TAF4B: variants seen among roughly 807,000 people sequenced by gnomAD.
TAF4B encodes transcription initiation factor TFIID subunit 4B.
TAF4B carries 38 observed loss-of-function variants against 86.4 expected under a neutral mutation model. The observed-to-expected ratio is 0.44, with a 90% CI of 0.34 to 0.58. TAF4B has a LOEUF of 0.58. Among genes scored for constraint, TAF4B ranks in the 20% least tolerant of loss-of-function variants. The pLI is 0.02. For missense variants in TAF4B, 988 were observed against 1,027.6 expected (o/e 0.96, Z 0.53); for synonymous variants, 388 against 391.2 (o/e 0.99, Z 0.10).
intron 11 of TAF4B, among the ~76,000 whole-genome samples, chr18:26,323,507 G>T (rs1365671103): frequency 6.9e-6 from 1 of 143,972 alleles, no homozygotes; most frequent in Non-Finnish European, 1.5e-5. Flanking sequence ...TAACAGGCGT[G>T]TGCCACCACA....
intron 1 of TAF4B, among the ~76,000 whole-genome samples, chr18:26,234,278 C>T (rs1380731287): frequency 6.6e-6 from 1 of 152,204 alleles, no homozygotes; most frequent in Non-Finnish European, 1.5e-5. Context: ...TGCCTTTTCT[C>T]CTTCACCTTT....
At chr18:26,258,065 C>A (rs1251620812) in intron 1 of TAF4B, among the ~76,000 whole-genome samples, 1 of 151,898 alleles carries the variant, frequency 6.6e-6, no homozygotes, top group Non-Finnish European at 1.5e-5. Flanking sequence ...ACCATCCTGG[C>A]CAACATGGTG....
chr18:26,228,645 AAG>A (rs745510461), intron 1 of TAF4B, among the ~76,000 whole-genome samples: 66 of 152,036 alleles, frequency 4.3e-4, no homozygotes, highest in Admixed American at 1.2e-3. Context: ...AGTATTAAGA[AAG>A]AACTGTCTGA....
chr18:26,314,510 A>T (rs921750100), intron 9 of TAF4B, among the ~76,000 whole-genome samples: 2 of 152,184 alleles, frequency 1.3e-5, no homozygotes, highest in Non-Finnish European at 2.9e-5. Flanking sequence ...AGTGTGTTTT[A>T]TATTTTATAT....
intron 5 of TAF4B, among the ~76,000 whole-genome samples, chr18:26,281,568 A>G (rs988641530): frequency 6.6e-6 from 1 of 152,350 alleles, no homozygotes; most frequent in Admixed American, 6.5e-5. Flanking sequence ...GCAGGCTAGC[A>G]GATTAATTTC....
chr18:26,304,740 C>T (rs2056776880), intron 9 of TAF4B: 1 of 985,252 alleles, frequency 1.0e-6, no homozygotes, highest in Admixed American at 6.1e-5. Context: ...ATGCTTATTG[C>T]TGATTTTTAC....
intron 3 of TAF4B, among the ~76,000 whole-genome samples, chr18:26,271,108 T>C (rs955646000): frequency 2.3e-4 from 35 of 152,218 alleles, no homozygotes; most frequent in African/African-American, 8.4e-4. Context: ...CATCTCAGTT[T>C]TAGGCATGGA....
intron 14 of TAF4B, among the ~76,000 whole-genome samples, chr18:26,382,675 T>C (rs1978296408): frequency 1.3e-5 from 2 of 152,168 alleles, no homozygotes; most frequent in Admixed American, 6.6e-5. Context: ...GGGTGGTTTA[T>C]TTTCACTGTT....
intron 14 of TAF4B, among the ~76,000 whole-genome samples, chr18:26,360,334 T>C (rs2057319998): frequency 6.6e-6 from 1 of 152,202 alleles, no homozygotes; most frequent in Non-Finnish European, 1.5e-5. Flanking sequence ...CAACTTTTCA[T>C]GTATAAATAG....
chr18:26,354,218 G>C (rs2057268174), intron 13 of TAF4B, among the ~76,000 whole-genome samples: 1 of 152,146 alleles, frequency 6.6e-6, no homozygotes, highest in South Asian at 2.1e-4. Context: ...GGGATTACAG[G>C]CGTCCCCACC....
chr18:26,263,004 G>T (rs994023689), intron 1 of TAF4B, among the ~76,000 whole-genome samples: 3 of 152,174 alleles, frequency 2.0e-5, no homozygotes, highest in Middle Eastern at 3.4e-3. Context: ...AGGCGGAAGT[G>T]CAGTGGCACC....
At chr18:26,350,576 C>T (rs997377243) in intron 13 of TAF4B, among the ~76,000 whole-genome samples, 2 of 151,974 alleles carry the variant, frequency 1.3e-5, no homozygotes, top group African/African-American at 4.8e-5. Flanking sequence ...CTTGGGAGGC[C>T]GAAGTAGTGT....
chr18:26,242,075 G>A (rs547316335), intron 1 of TAF4B, among the ~76,000 whole-genome samples: 1 of 152,184 alleles, frequency 6.6e-6, no homozygotes, highest in South Asian at 2.1e-4. Context: ...ATTTGGGGTG[G>A]AGAGTTCTGT....
At chr18:26,291,697 ACT>A (rs1342773633) in intron 7 of TAF4B, among the ~76,000 whole-genome samples, 5 of 114,808 alleles carry the variant, frequency 4.4e-5, no homozygotes, top group African/African-American at 1.6e-4. Context: ...ACAGAGCAAG[ACT>A]CTGTCTCAAA....
chr18:26,367,320 A>G lies in TAF4B; in HGVS notation c.2421+9526A>G, dbSNP rs142024615. Among the ~76,000 whole-genome samples the G allele has an allele frequency of 2.1e-3, 320 of 152,294 alleles. 2 individuals carry two copies. Among genetic ancestry groups the G allele is most frequent in the African/African-American group, 7.4e-3 (309 of 41,554 alleles). Reference sequence around the variant, plus strand: ...GAAGTCCTGAGAAACAGGGGAGTCAATGGTGTGGTGTAACTCTCAGTCCAA... The same window carrying G: ...GAAGTCCTGAGAAACAGGGGAGTCAGTGGTGTGGTGTAACTCTCAGTCCAA... On this transcript the variant is annotated intron_variant, in intron 14 of 14. Coordinates refer to ENST00000269142, the MANE Select transcript of TAF4B (RefSeq NM_005640.3).
At chr18:26,273,404 CA>C (rs1463219244) in intron 3 of TAF4B, among the ~76,000 whole-genome samples, 1 of 152,042 alleles carries the variant, frequency 6.6e-6, no homozygotes, top group East Asian at 1.9e-4. Flanking sequence ...GATATGTACA[CA>C]TATGTAATAT....
chr18:26,328,871 C>A (rs1194860589), intron 12 of TAF4B, among the ~76,000 whole-genome samples: 1 of 152,000 alleles, frequency 6.6e-6, no homozygotes, highest in African/African-American at 2.4e-5. Flanking sequence ...CCACCTCAGC[C>A]TCCCAAAGTT....
chr18:26,350,547 A>C (rs1292445902), intron 13 of TAF4B, among the ~76,000 whole-genome samples: 1 of 152,158 alleles, frequency 6.6e-6, no homozygotes, highest in Non-Finnish European at 1.5e-5. Flanking sequence ...ATGGTGGCAT[A>C]GGCCTGTAGT....
At chr18:26,237,643 T>G (rs1318533293) in intron 1 of TAF4B, among the ~76,000 whole-genome samples, 1 of 152,164 alleles carries the variant, frequency 6.6e-6, no homozygotes, top group Non-Finnish European at 1.5e-5. Context: ...TTGCAAGCTT[T>G]GCATAGTTGT....
Sources: gnomAD v4.1 joint callset for allele counts (sites outside exome capture counted in the v4.1 genomes callset) on GRCh38, gnomAD v4.1.1 for gene constraint, MANE v1.5 for transcripts, NCBI Gene and HGNC (gene_info 2026-07-23, HGNC 2026-07-21) for gene names.